GJC1: variants seen among roughly 807,000 people sequenced by gnomAD.
GJC1 encodes gap junction protein gamma 1.
GJC1 carries 5 observed loss-of-function variants against 29.3 expected under a neutral mutation model. The ratio of observed to expected loss-of-function variants is 0.17; its 90% CI spans 0.09 to 0.36. The LOEUF (loss-of-function observed/expected upper bound fraction) is 0.36. GJC1 is among the 10% of genes least tolerant of loss of function. The pLI is 1.00. For missense variants in GJC1, 310 were observed against 496.2 expected (o/e 0.62, Z 3.56); for synonymous variants, 177 against 183.3 (o/e 0.97, Z 0.28).
chr17:44,804,410 A>C lies in GJC1; in HGVS notation c.*217T>G, dbSNP rs2049887440. The C allele has an allele frequency of 1.9e-6, 1 of 513,412 alleles. No homozygotes were observed. Among genetic ancestry groups the C allele is most frequent in the African/African-American group, 1.9e-5 (1 of 52,480 alleles). 31.8% of individuals were successfully genotyped at this position (513,412 alleles called of 1,614,324 possible). ...GGAAGACACAAATGTAAAGTTCTGC[A>C]ACTGTATTATTGCTAAGAACATGTG... is the stretch of plus-strand genomic sequence containing the variant. On this transcript the variant is annotated 3_prime_UTR_variant, in exon 3 of 3. Transcript: ENST00000592524.
intron 1 of GJC1, among the ~76,000 whole-genome samples, chr17:44,826,547 T>TA (rs1205121405): frequency 4.1e-5 from 6 of 146,438 alleles, no homozygotes; most frequent in Admixed American, 6.8e-5. Flanking sequence ...AAAAAAAAAG[T>TA]AAAATGCTAT....
Position 44,804,969 on chromosome 17 carries a change from T to C in GJC1, c.849A>G (p.Thr283=). The C allele has an allele frequency of 6.2e-7, 1 of 1,614,092 alleles. No homozygotes were observed. The highest frequency in any genetic ancestry group is 8.5e-7 in the Non-Finnish European group (1 of 1,179,990). Residue 283 remains threonine, a synonymous_variant, in exon 3 of 3, where the codon ACA becomes ACG. Coordinates refer to ENST00000592524, the MANE Select transcript of GJC1 (RefSeq NM_005497.4). The part of the protein sequence containing the change: ...GAYNYPFTWN[T]PSAPPGYNIA... ...TGTTATAGCCAGGGGGAGCAGATGG[T>C]GTATTCCAAGTGAAAGGATAATTAT... is the stretch of plus-strand genomic sequence containing the variant.
chr17:44,824,134 A>C (rs1021208505), intron 1 of GJC1, among the ~76,000 whole-genome samples: 3 of 151,814 alleles, frequency 2.0e-5, no homozygotes, highest in Admixed American at 2.0e-4. Flanking sequence ...CAGCCTCCAG[A>C]GTAGTTGGGA....
At chr17:44,797,806 G>A (rs1567702004), downstream of GJC1, 1 of 152,218 alleles carries the variant, frequency 6.6e-6, no homozygotes, top group Non-Finnish European at 1.5e-5. Flanking sequence ...GATCCAGAGT[G>A]ATTTAACTGC....
downstream of GJC1, chr17:44,794,308 G>A (rs1349366386): frequency 1.3e-5 from 2 of 152,232 alleles, no homozygotes; most frequent in East Asian, 1.9e-4. Context: ...TTCCAGTCTC[G>A]ATCACTTCCC....
intron 1 of GJC1, among the ~76,000 whole-genome samples, chr17:44,817,131 A>G (rs11079355): frequency 0.78 from 117,727 of 151,716 alleles, 45,720 homozygotes; most frequent in African/African-American, 0.81. Context: ...GCTTGAACCC[A>G]GGAGGCGGTG....
downstream of GJC1, among the ~76,000 whole-genome samples, chr17:44,796,661 A>G (rs1472366224): frequency 3.3e-5 from 5 of 152,208 alleles, no homozygotes; most frequent in Non-Finnish European, 1.5e-5. Context: ...GCATCTTTCT[A>G]GTGTGGTTAC....
intron 1 of GJC1, chr17:44,813,441 A>G (rs1257715913): frequency 6.8e-6 from 1 of 148,144 alleles, no homozygotes; most frequent in Non-Finnish European, 1.5e-5. Flanking sequence ...TGAGTCAGTA[A>G]GTTTTTCTTG....
At chr17:44,821,718 A>C (rs1160886673) in intron 1 of GJC1, among the ~76,000 whole-genome samples, 1,448 of 128,992 alleles carry the variant, frequency 0.011, 50 homozygotes, top group African/African-American at 0.026. Flanking sequence ...AAAAAAAAAA[A>C]AAAAAAACAA....
At chr17:44,830,796 C>A, upstream of GJC1, 1 of 398,152 alleles carries the variant, frequency 2.5e-6, no homozygotes, top group South Asian at 1.3e-4. The surrounding 1 kb of genome is among the most constrained non-coding windows in gnomAD (Gnocchi z 4.3). Flanking sequence ...TAGCTAGAGT[C>A]GGGGCTCTTA....
At chr17:44,823,667 A>G (rs1381649258) in intron 1 of GJC1, among the ~76,000 whole-genome samples, 1 of 150,580 alleles carries the variant, frequency 6.6e-6, no homozygotes, top group African/African-American at 2.4e-5. Flanking sequence ...CCTCCAGAAG[A>G]GCTGTGATTA....
At position 44,830,214 on chromosome 17, in the gene GJC1, A is replaced by C. The variant is rs1382065828; in HGVS notation, c.-249T>G. The C allele has an allele frequency of 3.8e-4, 61 of 159,292 alleles. 2 individuals carry two copies. The Admixed American group carries it at 4.0e-3, about 11-fold the overall frequency. The allele number at this position is 159,292 out of a possible 1,614,324, so 9.9% of individuals were successfully genotyped here. ...CCGCCTTCGCCTCAGTCTCCAGCCGAGGCAGAAGCCGCTCCCGCCGCTGCC... is the reference window on the plus strand; with the variant it reads ...CCGCCTTCGCCTCAGTCTCCAGCCGCGGCAGAAGCCGCTCCCGCCGCTGCC... On this transcript the variant is annotated 5_prime_UTR_variant, in exon 1 of 3. Coordinates refer to ENST00000592524, the MANE Select transcript of GJC1 (RefSeq NM_005497.4). This position sits in a 1 kb window ranked among gnomAD's most constrained non-coding sequence, Gnocchi z 4.3.
intron 1 of GJC1, among the ~76,000 whole-genome samples, chr17:44,828,147 C>G (rs1037182732): frequency 1.3e-5 from 2 of 152,054 alleles, no homozygotes; most frequent in Admixed American, 6.6e-5. Flanking sequence ...CTGACTTATA[C>G]AAATATAAGA....
chr17:44,795,893 G>A (rs964163150), downstream of GJC1, among the ~76,000 whole-genome samples: 2 of 152,244 alleles, frequency 1.3e-5, no homozygotes, highest in Non-Finnish European at 2.9e-5. Context: ...CGGATCGCAC[G>A]TGGGCTTGGA....
chr17:44,822,294 G>A (rs570824315), intron 1 of GJC1, among the ~76,000 whole-genome samples: 1 of 151,692 alleles, frequency 6.6e-6, no homozygotes, highest in Non-Finnish European at 1.5e-5. Flanking sequence ...GAATAAGGAG[G>A]GAGTAACTGC....
chr17:44,823,224 T>C (rs1446699131), intron 1 of GJC1, among the ~76,000 whole-genome samples: 1 of 150,400 alleles, frequency 6.6e-6, no homozygotes, highest in Non-Finnish European at 1.5e-5. Flanking sequence ...AAACTTACTC[T>C]GAAACCCTAT....
chr17:44,818,048 A>C (rs2050063916), intron 1 of GJC1, among the ~76,000 whole-genome samples: 1 of 151,960 alleles, frequency 6.6e-6, no homozygotes, highest in Non-Finnish European at 1.5e-5. Flanking sequence ...CCCCATCTCT[A>C]CTAAAAATAG....
At chr17:44,824,248 T>C (rs2050144471) in intron 1 of GJC1, among the ~76,000 whole-genome samples, 1 of 152,048 alleles carries the variant, frequency 6.6e-6, no homozygotes, top group African/African-American at 2.4e-5. Flanking sequence ...CCTTGTGACC[T>C]GCCTGCCTCG....
At chr17:44,794,724 T>C (rs918271519), downstream of GJC1, 1 of 152,260 alleles carries the variant, frequency 6.6e-6, no homozygotes, top group African/African-American at 2.4e-5. Flanking sequence ...AAATCGCTTA[T>C]GAACAGCTGC....
Sources: allele counts gnomAD v4.1 joint callset (sites outside exome capture counted in the v4.1 genomes callset), GRCh38; gene constraint gnomAD v4.1.1; non-coding constraint Gnocchi (gnomAD v3.1); transcripts MANE v1.5; gene names NCBI Gene and HGNC (gene_info 2026-07-23, HGNC 2026-07-21).